GLIS3: variants seen among roughly 807,000 people sequenced by gnomAD.
The protein encoded by GLIS3 is zinc finger protein GLIS3.
Under a neutral mutation model 78.6 loss-of-function variants are expected in GLIS3, and 53 were observed. The observed-to-expected ratio is 0.67, with a 90% confidence interval of 0.54 to 0.85. GLIS3 has a LOEUF of 0.85. Ranked by LOEUF, GLIS3 falls within the 40% of genes least tolerant of loss-of-function variation. GLIS3 has a pLI of 0.00. For synonymous variants in GLIS3, 684 were observed against 509.9 expected, an observed-to-expected ratio of 1.34 and a Z score of -4.60; for missense variants, 1,703 against 1,231.1, an observed-to-expected ratio of 1.38 and a Z score of -5.74.
intron 4 of GLIS3, among the ~76,000 whole-genome samples, chr9:4,106,666 TTGTG>T (rs1447308433): frequency 6.6e-6 from 1 of 152,182 alleles, no homozygotes; most frequent in Non-Finnish European, 1.5e-5. Flanking sequence ...TATGACCACA[TTGTG>T]TGTATCAAAT....
chr9:3,914,053 T>A (rs968085582), intron 6 of GLIS3, among the ~76,000 whole-genome samples: 1 of 152,216 alleles, frequency 6.6e-6, no homozygotes, highest in Non-Finnish European at 1.5e-5. Flanking sequence ...AGTTTAAGTA[T>A]GCCTAAATTA....
At chr9:4,373,486 G>A in the GLIS3 span, among the ~76,000 whole-genome samples, 3 of 152,100 alleles carry the variant, frequency 2.0e-5, no homozygotes, top group Non-Finnish European at 2.9e-5. Context: ...GCTCTGGGGG[G>A]AAAAACTGTT....
chr9:4,210,529 C>G (rs1429990931), intron 2 of GLIS3, among the ~76,000 whole-genome samples: 1 of 152,222 alleles, frequency 6.6e-6, no homozygotes, highest in East Asian at 1.9e-4. Context: ...CTATTTATGA[C>G]TGCTAAGCAG....
intron 4 of GLIS3, among the ~76,000 whole-genome samples, chr9:4,029,516 G>A (rs766991151): frequency 6.6e-6 from 1 of 152,072 alleles, no homozygotes; most frequent in Non-Finnish European, 1.5e-5. Flanking sequence ...TGGTGACACC[G>A]TGGTGCCATT....
intron 2 of GLIS3, among the ~76,000 whole-genome samples, chr9:4,281,388 T>C (rs1243762138): frequency 1.6e-5 from 1 of 64,138 alleles, no homozygotes; most frequent in Non-Finnish European, 3.9e-5. Flanking sequence ...TCTCCAAAAC[T>C]TTTCCATCCT....
chr9:4,359,098 G>C, the GLIS3 span, among the ~76,000 whole-genome samples: 2 of 152,114 alleles, frequency 1.3e-5, no homozygotes, highest in Non-Finnish European at 2.9e-5. Context: ...TGGTCATCCA[G>C]GTTTACTACT....
At chr9:4,084,583 G>C (rs1166329272) in intron 4 of GLIS3, among the ~76,000 whole-genome samples, 2 of 151,998 alleles carry the variant, frequency 1.3e-5, no homozygotes, top group Non-Finnish European at 2.9e-5. Context: ...GGAAGAAGGG[G>C]AAAAAAGGCT....
At chr9:4,465,839 G>C in the GLIS3 span, among the ~76,000 whole-genome samples, 1 of 152,140 alleles carries the variant, frequency 6.6e-6, no homozygotes, top group African/African-American at 2.4e-5. Context: ...CTCCTGCTAA[G>C]AACAACTTGA....
At chr9:4,276,425 AGG>A (rs1827006738) in intron 2 of GLIS3, among the ~76,000 whole-genome samples, 1 of 7,078 alleles carries the variant, frequency 1.4e-4, no homozygotes, top group Non-Finnish European at 2.7e-4. Flanking sequence ...AGGGGAGGGG[AGG>A]GAAGGGGACG....
intron 4 of GLIS3, among the ~76,000 whole-genome samples, chr9:4,007,901 G>A (rs373883244): frequency 2.5e-4 from 38 of 149,272 alleles, no homozygotes; most frequent in African/African-American, 8.4e-4. Context: ...GGGCGTTGGG[G>A]GGGGGGGGTT....
intron 4 of GLIS3, among the ~76,000 whole-genome samples, chr9:3,992,513 A>G (rs893947871): frequency 6.6e-6 from 1 of 152,228 alleles, no homozygotes; most frequent in African/African-American, 2.4e-5. Context: ...CCTCAGCGTA[A>G]AGGAGGAGAT....
Position 4,058,797 on chromosome 9 carries a change from A to C in GLIS3, c.1710+58971T>G, listed in dbSNP as rs12349670. On this transcript the variant is annotated intron_variant, in intron 4 of 10. Transcript: ENST00000381971. Reference sequence around the variant, plus strand: ...AGATCGAGACCATCCTGGCTAACACAGTGAAACCCCATCTCTACTAAAAAA... The same window carrying C: ...AGATCGAGACCATCCTGGCTAACACCGTGAAACCCCATCTCTACTAAAAAA... 9.9e-5 allele frequency among the ~76,000 whole-genome samples: 15 copies of C among 152,056 alleles called. 1 individual carries two copies. The East Asian group carries it at 2.5e-3, about 26-fold the overall frequency.
At chr9:4,470,284 T>G in the GLIS3 span, among the ~76,000 whole-genome samples, 1 of 151,976 alleles carries the variant, frequency 6.6e-6, no homozygotes. Context: ...TTGCAAACCC[T>G]GGCAGAGACA....
chr9:4,018,434 C>T (rs143608232), intron 4 of GLIS3, among the ~76,000 whole-genome samples: 2 of 152,238 alleles, frequency 1.3e-5, no homozygotes, highest in African/African-American at 4.8e-5. Context: ...CTGGTTGTTT[C>T]CCATAAACTA....
the GLIS3 span, among the ~76,000 whole-genome samples, chr9:4,412,349 G>A: frequency 2.0e-5 from 3 of 152,176 alleles, no homozygotes; most frequent in African/African-American, 4.8e-5. Context: ...TTAGACTGGC[G>A]CCTAAGTTTA....
intron 4 of GLIS3, among the ~76,000 whole-genome samples, chr9:3,967,736 C>T (rs950623054): frequency 3.9e-5 from 6 of 151,968 alleles, no homozygotes; most frequent in African/African-American, 1.5e-4. Flanking sequence ...GAGACAAGTG[C>T]AATGTCATGA....
At chr9:4,221,807 G>C (rs1299894077) in intron 2 of GLIS3, among the ~76,000 whole-genome samples, 1 of 152,214 alleles carries the variant, frequency 6.6e-6, no homozygotes, top group Admixed American at 6.5e-5. Flanking sequence ...CCCAGTTTGA[G>C]ACAAGAACCT....
chr9:4,248,849 C>G (rs4642704), intron 2 of GLIS3, among the ~76,000 whole-genome samples: 144,736 of 152,290 alleles, frequency 0.95, 69,184 homozygotes, highest in East Asian at 1. Flanking sequence ...GTGATGATGA[C>G]ATTTTTTTCA....
At chr9:4,361,694 A>C in the GLIS3 span, among the ~76,000 whole-genome samples, 2 of 152,202 alleles carry the variant, frequency 1.3e-5, no homozygotes, top group Non-Finnish European at 2.9e-5. Context: ...CCTTGCTCTG[A>C]CCTCGCAAAT....
Sources: allele counts gnomAD v4.1 joint callset (sites outside exome capture counted in the v4.1 genomes callset), GRCh38; gene constraint gnomAD v4.1.1; transcripts MANE v1.5; gene names NCBI Gene and HGNC (gene_info 2026-07-23, HGNC 2026-07-21).